The following RBM47 variants were observed in gnomAD, a reference collection of about 807,000 sequenced individuals.
RBM47 encodes RNA-binding protein 47.
In RBM47, 21 loss-of-function variants were observed where a neutral mutation model predicts 47.1. The observed-to-expected ratio is 0.45, with a 90% CI of 0.32 to 0.64. The LOEUF is 0.64. Among genes scored for constraint, RBM47 ranks in the 30% least tolerant of loss-of-function variants. RBM47 has a pLI of 0.05. For missense variants in RBM47, 708 were observed against 870.9 expected, an observed-to-expected ratio of 0.81 and a Z score of 2.35; for synonymous variants, 375 against 361.7, an observed-to-expected ratio of 1.04 and a Z score of -0.42.
chr4:40,553,248 C>G (rs1729743503), intron 1 of RBM47, among the ~76,000 whole-genome samples: 1 of 150,994 alleles, frequency 6.6e-6, no homozygotes, highest in African/African-American at 2.4e-5. Context: ...ATCTTTATTT[C>G]TCTTCTTTGC....
rs1193014675 is a variant in RBM47, at chr4:40,610,589, C to A, written c.-240+18807G>T. 1.5e-4 allele frequency among the ~76,000 whole-genome samples: 19 copies of A among 128,048 alleles called. No homozygotes were observed. In the Admixed American group the frequency reaches 1.8e-3, roughly 12 times the overall value. The allele number at this position is 128,048 out of a possible 152,430, so 84.0% of individuals were successfully genotyped here. ...CGCGCCACTGCACTCCAGCCTGGGG[C>A]GACAGAGTGAGACTCCATCTCAAAA... On this transcript the variant is annotated intron_variant, in intron 1 of 6. Transcript: ENST00000295971.
intron 1 of RBM47, among the ~76,000 whole-genome samples, chr4:40,596,005 G>A (rs1054398159): frequency 7.2e-5 from 11 of 152,116 alleles, no homozygotes; most frequent in Admixed American, 4.6e-4. Flanking sequence ...CTCTCTGCAC[G>A]CAGTCAGTGT....
chr4:40,625,586 C>T (rs1198028323), intron 1 of RBM47, among the ~76,000 whole-genome samples: 1 of 152,076 alleles, frequency 6.6e-6, no homozygotes, highest in Non-Finnish European at 1.5e-5. Context: ...GGGTTGTCTT[C>T]CACCCCAGCT....
At chr4:40,544,794 A>T (rs575629619) in intron 1 of RBM47, among the ~76,000 whole-genome samples, 1 of 152,296 alleles carries the variant, frequency 6.6e-6, no homozygotes, top group East Asian at 1.9e-4. Context: ...CAAAGAGAGA[A>T]AGGAGAGCCT....
At chr4:40,437,090 A>AAAAAAAATAT (rs1256296949) in intron 4 of RBM47, among the ~76,000 whole-genome samples, 3 of 49,804 alleles carry the variant, frequency 6.0e-5, no homozygotes, top group African/African-American at 3.3e-4. Flanking sequence ...AAAAAAAAAA[A>AAAAAAAATAT]ATATATATAT....
At chr4:40,483,559 A>AT (rs1219474693) in intron 2 of RBM47, among the ~76,000 whole-genome samples, 1 of 152,152 alleles carries the variant, frequency 6.6e-6, no homozygotes, top group African/African-American at 2.4e-5. Flanking sequence ...AGCCGGGTGC[A>AT]TTGGCTCACG....
rs114931791 is a variant in RBM47 at position 40,577,361 on chromosome 4, T to C, written c.-239-32855A>G. On this transcript the variant is annotated intron_variant, in intron 1 of 6. Transcript: ENST00000295971. ...CCTCAAACTGGGAAATGCCTGCTCA[T>C]GTTGTCAAGAGTCCTCAGCAACAGC... 9.5e-3 allele frequency among the ~76,000 whole-genome samples: 1,443 copies of C among 152,234 alleles called. 20 individuals carry two copies. Among genetic ancestry groups the C allele is most frequent in the African/African-American group, 0.028 (1,175 of 41,534 alleles).
intron 2 of RBM47, among the ~76,000 whole-genome samples, chr4:40,539,447 G>A (rs7670300): frequency 0.085 from 12,940 of 151,942 alleles, 980 homozygotes; most frequent in African/African-American, 0.2. Context: ...TTTCCAAAAG[G>A]TGTATCTTCT....
intron 1 of RBM47, among the ~76,000 whole-genome samples, chr4:40,584,825 A>ACCAGTCAC (rs1415986410): frequency 1.3e-5 from 2 of 152,156 alleles, no homozygotes; most frequent in Non-Finnish European, 2.9e-5. Context: ...GCCACAGGTG[A>ACCAGTCAC]CTGGTGGCTC....
At chr4:40,572,565 G>A (rs1206566352) in intron 1 of RBM47, among the ~76,000 whole-genome samples, 1 of 151,604 alleles carries the variant, frequency 6.6e-6, no homozygotes, top group African/African-American at 2.4e-5. Flanking sequence ...AAGAACAGTT[G>A]GTACCCACAT....
At chr4:40,505,336 A>T (rs953096189) in intron 2 of RBM47, among the ~76,000 whole-genome samples, 7 of 152,032 alleles carry the variant, frequency 4.6e-5, no homozygotes, top group African/African-American at 1.7e-4. Context: ...TACTAAAAAC[A>T]CACAAATTAG....
At chr4:40,461,415 G>T (rs906350191) in intron 3 of RBM47, among the ~76,000 whole-genome samples, 1 of 152,132 alleles carries the variant, frequency 6.6e-6, no homozygotes, top group African/African-American at 2.4e-5. Context: ...CTTGCAAATG[G>T]TTTTTTTAGA....
chr4:40,579,106 G>A (rs1265098826), intron 1 of RBM47, among the ~76,000 whole-genome samples: 8 of 142,302 alleles, frequency 5.6e-5, no homozygotes, highest in East Asian at 2.0e-4. Context: ...GCAACAGAGC[G>A]AGACTCTATC....
At chr4:40,577,395 C>T (rs1215833323) in intron 1 of RBM47, among the ~76,000 whole-genome samples, 2 of 152,014 alleles carry the variant, frequency 1.3e-5, no homozygotes, top group East Asian at 1.9e-4. Context: ...GCTTGTTTGC[C>T]GACTAAACAA....
intron 2 of RBM47, among the ~76,000 whole-genome samples, chr4:40,528,013 C>CT: frequency 6.6e-6 from 1 of 152,322 alleles, no homozygotes; most frequent in East Asian, 1.9e-4. Flanking sequence ...CCATTAAGTA[C>CT]TAAAAAATCA....
rs1216934986 is a variant in RBM47 at position 40,425,517 on chromosome 4, G to A, written c.*387C>T. The stretch of plus-strand genomic sequence containing the variant: ...AAGTGTGCTTTTTTAATATATAGTT[G>A]ATATATTATTGAAGGTACTACAAAA... On this transcript the variant is annotated 3_prime_UTR_variant, in exon 7 of 7. Coordinates refer to ENST00000295971, the MANE Select transcript of RBM47 (RefSeq NM_001098634.2). 6.2e-6 allele frequency: 1 copy of A among 162,178 alleles called. No homozygotes were observed. The highest frequency in any genetic ancestry group is 1.4e-5 in the Non-Finnish European group (1 of 73,472). 10.0% of individuals were successfully genotyped at this position (162,178 alleles called of 1,614,324 possible). A position where few individuals can be genotyped will look rare whatever the true frequency, so the allele number is the denominator to read the frequency against.
chr4:40,537,629 C>T (rs531332899), intron 2 of RBM47, among the ~76,000 whole-genome samples: 4 of 152,214 alleles, frequency 2.6e-5, no homozygotes, highest in East Asian at 1.9e-4. Context: ...AAGGGCAAAT[C>T]ATTAAGTTTG....
chr4:40,475,975 C>T (rs1719550380), intron 2 of RBM47, among the ~76,000 whole-genome samples: 1 of 152,150 alleles, frequency 6.6e-6, no homozygotes. Context: ...CCTACTGTAA[C>T]TGATGGATTT....
intron 2 of RBM47, among the ~76,000 whole-genome samples, chr4:40,482,490 G>A (rs540395895): frequency 1.3e-5 from 2 of 152,138 alleles, no homozygotes; most frequent in African/African-American, 4.8e-5. Flanking sequence ...CTGACCTCAG[G>A]TAATCCACCT....
Sources: gnomAD v4.1 joint callset for allele counts (sites outside exome capture counted in the v4.1 genomes callset) on GRCh38, gnomAD v4.1.1 for gene constraint, MANE v1.5 for transcripts, NCBI Gene and HGNC (gene_info 2026-07-23, HGNC 2026-07-21) for gene names.